Variants in SIT1 observed in about 807,000 individuals in gnomAD.
SIT1 encodes signaling threshold-regulating transmembrane adapter 1.
SIT1 carries 19 observed loss-of-function variants against 23.5 expected under a neutral mutation model. The ratio of observed to expected loss-of-function variants is 0.81; its 90% CI spans 0.56 to 1.19. The LOEUF (loss-of-function observed/expected upper bound fraction) is 1.19. SIT1 is among the 50% of genes most tolerant of loss of function. The probability of loss-of-function intolerance (pLI) is 0.00; values close to 1 mark genes in which losing one functional copy is unlikely to be tolerated. For missense variants in SIT1, 213 were observed against 254.9 expected (o/e 0.84, Z 1.12); for synonymous variants, 114 against 109.1 (o/e 1.04, Z -0.28).
Position 35,650,277 on chromosome 9 carries a change from C to T in SIT1, c.296-32G>A, listed in dbSNP as rs375418537. The T allele has an allele frequency of 5.6e-6, 9 of 1,611,890 alleles. No homozygotes were observed. In the East Asian group the frequency reaches 8.9e-5, roughly 16 times the overall value. ...CGGGGAACAGGAATCTGGTCAGCAA[C>T]TTGTCCTTCCTCCTGCACGCCCCCA... On this transcript the variant is annotated intron_variant, in intron 3 of 4. Transcript: ENST00000259608. This position sits in a 1 kb window ranked among gnomAD's most constrained non-coding sequence, Gnocchi z 4.8.
Position 35,650,476 on chromosome 9 carries a change from A to T in SIT1, c.236+26T>A, listed in dbSNP as rs376647043. On this transcript the variant is annotated intron_variant, in intron 2 of 4. Coordinates refer to ENST00000259608, the MANE Select transcript of SIT1 (RefSeq NM_014450.3). This position sits in a 1 kb window ranked among gnomAD's most constrained non-coding sequence, Gnocchi z 4.8. ...CTCGGTAAGAGAGAACTCTCAGTCA[A>T]CCCATCCCTGTTGTCCTTCACCCAC... 1 of 1,613,780 alleles carries T rather than the reference A, an allele frequency of 6.2e-7. No homozygotes were observed. Among genetic ancestry groups the T allele is most frequent in the South Asian group, 1.1e-5 (1 of 91,052 alleles).
At position 35,650,165 on chromosome 9, in the gene SIT1, C is replaced by G. The variant is rs189501277; in HGVS notation, c.357+19G>C. On this transcript the variant is annotated intron_variant, in intron 4 of 4. Transcript: ENST00000259608. The surrounding 1 kb of genome is among the most constrained non-coding windows in gnomAD (Gnocchi z 4.8). ...CCACTTCCTTCCCTCCCCCTTTTCT[C>G]CAGCCACAGTTGACTCACCCTGGCA... The G allele has an allele frequency of 1.2e-6, 2 of 1,613,996 alleles. No homozygotes were observed. Among genetic ancestry groups the G allele is most frequent in the African/African-American group, 2.7e-5 (2 of 75,012 alleles).
At position 35,649,960 on chromosome 9, in the gene SIT1, T is replaced by C. The variant is rs1267098727; in HGVS notation, c.479A>G (p.Gln160Arg). 6.3e-7 allele frequency: 1 copy of C among 1,583,270 alleles called. No individual in the cohort carries two copies. Among genetic ancestry groups the C allele is most frequent in the Non-Finnish European group, 8.6e-7 (1 of 1,164,346 alleles). ...EVVLDSEPKS[Q>R]ASGPEPELYA... ...GAGCTCCGGCTCGGGGCCCGAGGCC[T>C]GGGACTTTGGCTCAGAGTCCAGCAC... The change falls in exon 5 of 5, where the codon CAG (glutamine) becomes CGG (arginine). Residue 160 changes from glutamine (Q) to arginine (R), a missense_variant. Physicochemically the swap from Gln to Arg is conservative, Grantham distance 43. Transcript: ENST00000259608.
rs763786845 is a variant in SIT1, at chr9:35,650,842, A to G, written c.12T>C (p.Ala4=). Residue 4 remains alanine (A), a synonymous_variant, in exon 1 of 5, where the codon GCT becomes GCC. Coordinates refer to ENST00000259608, the MANE Select transcript of SIT1 (RefSeq NM_014450.3). This position sits in a 1 kb window ranked among gnomAD's most constrained non-coding sequence, Gnocchi z 4.8. MNQ[A]DPRLRAVCLW... ...AGCACACTGCTCTGAGCCGAGGGTC[A>G]GCCTGGTTCATGGCCTGACGGTTTC... The G allele has an allele frequency of 3.1e-6, 5 of 1,610,204 alleles. No individual in the cohort carries two copies. The highest frequency in any genetic ancestry group is 2.2e-5 in the East Asian group (1 of 44,664).
chr9:35,649,854 G>A lies in SIT1; in HGVS notation c.585C>T (p.Ala195=), dbSNP rs1212046441. 1.3e-6 allele frequency: 2 copies of A among 1,537,636 alleles called. No homozygotes were observed. The highest frequency in any genetic ancestry group is 1.4e-5 in the African/African-American group (1 of 73,786). Residue 195 remains alanine, a synonymous_variant, in exon 5 of 5, where the codon GCC becomes GCT. Transcript: ENST00000259608. ...DQAYANSQPA[A]S ...CTGTGCCAGGCCCTCCATCTCAGCTGGCTGCAGGCTGGCTGTTGGCATAGG... is the reference window on the plus strand; with the variant it reads ...CTGTGCCAGGCCCTCCATCTCAGCTAGCTGCAGGCTGGCTGTTGGCATAGG...
chr9:35,650,530 G>T lies in SIT1; in HGVS notation c.208C>A (p.Arg70=), dbSNP rs201041365. The T allele has an allele frequency of 1.9e-6, 3 of 1,613,918 alleles. No homozygotes were observed. The East Asian group carries it at 6.7e-5, about 36-fold the overall frequency. Residue 70 remains arginine (R), a synonymous_variant, in exon 2 of 5, where the codon CGG becomes AGG. Coordinates refer to ENST00000259608, the MANE Select transcript of SIT1 (RefSeq NM_014450.3). This position sits in a 1 kb window ranked among gnomAD's most constrained non-coding sequence, Gnocchi z 4.8. The part of the protein sequence containing the change: ...AAHLSQWTRG[R]SRSHPGQGRS... ...CCCTGCCCCGGATGGCTCCTGCTCC[G>T]GCCCCTGGTCCACTGGGACAAGTGT...
At position 35,650,069 on chromosome 9, in the gene SIT1, C is replaced by T; in HGVS notation, c.370G>A (p.Val124Met). The change falls in exon 5 of 5, where the codon GTG becomes ATG. Residue 124 changes from valine to methionine, a missense_variant. Physicochemically the swap from Val to Met is conservative, Grantham distance 21 (BLOSUM62 1). Transcript: ENST00000259608. The surrounding 1 kb of genome is among the most constrained non-coding windows in gnomAD (Gnocchi z 4.8). ...LGGPARAAEEVMCYTSLQLRP... is the reference protein window; with the variant it reads ...LGGPARAAEEMMCYTSLQLRP... Reference sequence around the variant, plus strand: ...AGCTGCAGGCTGGTATAGCACATCACCTCCTCTGCAGCCTGGAGATGCAAG... The same window carrying T: ...AGCTGCAGGCTGGTATAGCACATCATCTCCTCTGCAGCCTGGAGATGCAAG... 1 of 1,604,830 alleles carries T rather than the reference C, an allele frequency of 6.2e-7. No homozygotes were observed.
rs576406156 is a variant in SIT1 at position 35,649,954 on chromosome 9, G to A, written c.485C>T (p.Ser162Leu). 60 of 1,582,410 alleles carry A rather than the reference G, an allele frequency of 3.8e-5. No homozygotes were observed. The highest frequency in any genetic ancestry group is 1.7e-4 in the Middle Eastern group (1 of 6,010). The change falls in exon 5 of 5, where the codon TCG becomes TTG. Residue 162 changes from serine to leucine, a missense_variant. By Grantham distance (145) the Ser-to-Leu change is moderately radical. Transcript: ENST00000259608. ...GGCATAGAGCTCCGGCTCGGGGCCC[G>A]AGGCCTGGGACTTTGGCTCAGAGTC... ...VLDSEPKSQA[S>L]GPEPELYASV...
At position 35,650,135 on chromosome 9, in the gene SIT1, G is replaced by GCCCGAAAAT; in HGVS notation, c.357+48_357+49insATTTTCGGG. ...CTGGACCCTCGGAAAAGCCCGAAAA[G>GCCCGAAAAT]CCCCCCACTTCCTTCCCTCCCCCTT... On this transcript the variant is annotated intron_variant, in intron 4 of 4. Transcript: ENST00000259608. This position sits in a 1 kb window ranked among gnomAD's most constrained non-coding sequence, Gnocchi z 4.8. 6.2e-7 allele frequency: 1 copy of GCCCGAAAAT among 1,612,090 alleles called. No individual in the cohort carries two copies. The highest frequency in any genetic ancestry group is 1.1e-5 in the South Asian group (1 of 90,950).
In SIT1 at chr9:35,650,782, G is replaced by A. The variant is rs775500239; in HGVS notation, c.72C>T (p.Gly24=). The A allele has an allele frequency of 6.8e-6, 11 of 1,613,364 alleles. No homozygotes were observed. Among genetic ancestry groups the A allele is most frequent in the Admixed American group, 3.3e-5 (2 of 59,936 alleles). Residue 24 remains glycine (G), a synonymous_variant, in exon 1 of 5, where the codon GGC becomes GGT. Coordinates refer to ENST00000259608, the MANE Select transcript of SIT1 (RefSeq NM_014450.3). This position sits in a 1 kb window ranked among gnomAD's most constrained non-coding sequence, Gnocchi z 4.8. ...GTGCGAGTAGATCCGTGCAGTTGTC[G>A]CCTCTGCTCATGGCTGCAGATGTGA... is the stretch of plus-strand genomic sequence containing the variant. ...WTLTSAAMSR[G]DNCTDLLALG...
Position 35,650,082 on chromosome 9 carries a change from C to T in SIT1, c.358-1G>A. On this transcript the variant is annotated splice_acceptor_variant, in intron 4 of 4. Coordinates refer to ENST00000259608, the MANE Select transcript of SIT1 (RefSeq NM_014450.3). LOFTEE classifies it high-confidence loss of function. The surrounding 1 kb of genome is among the most constrained non-coding windows in gnomAD (Gnocchi z 4.8). Reference sequence around the variant, plus strand: ...TATAGCACATCACCTCCTCTGCAGCCTGGAGATGCAAGGCTGTTAGAAGTT... The same window carrying T: ...TATAGCACATCACCTCCTCTGCAGCTTGGAGATGCAAGGCTGTTAGAAGTT... 1 of 1,609,278 alleles carries T rather than the reference C, an allele frequency of 6.2e-7. No homozygotes were observed. The highest frequency in any genetic ancestry group is 8.5e-7 in the Non-Finnish European group (1 of 1,177,342).
rs757181878 is a variant in SIT1, at chr9:35,649,610, G to A, written c.*238C>T. 8.9e-5 allele frequency: 37 copies of A among 417,210 alleles called. No homozygotes were observed. Among genetic ancestry groups the A allele is most frequent in the Non-Finnish European group, 5.1e-5 (12 of 235,184 alleles). 25.8% of individuals were successfully genotyped at this position (417,210 alleles called of 1,614,324 possible). On this transcript the variant is annotated 3_prime_UTR_variant, in exon 5 of 5. Coordinates refer to ENST00000259608, the MANE Select transcript of SIT1 (RefSeq NM_014450.3). ...AAGGAAGTGAGAACCTGGGAGTTTGGGGGCTAAGAGGAACAGATAGAAAAA... is the reference window on the plus strand; with the variant it reads ...AAGGAAGTGAGAACCTGGGAGTTTGAGGGCTAAGAGGAACAGATAGAAAAA...
rs1055420406 is a variant in SIT1, at chr9:35,650,840, T to G, written c.14A>C (p.Asp5Ala). The G allele has an allele frequency of 2.2e-5, 36 of 1,609,812 alleles. No individual in the cohort carries two copies. In the Admixed American group the frequency reaches 6.1e-4, roughly 27 times the overall value. The change falls in exon 1 of 5, where the codon GAC becomes GCC. Residue 5 changes from aspartate (D) to alanine (A), a missense_variant. By Grantham distance (126) the Asp-to-Ala change is moderately radical (BLOSUM62 -2). Coordinates refer to ENST00000259608, the MANE Select transcript of SIT1 (RefSeq NM_014450.3). This position sits in a 1 kb window ranked among gnomAD's most constrained non-coding sequence, Gnocchi z 4.8. MNQADPRLRAVCLWT... is the reference protein window; with the variant it reads MNQAAPRLRAVCLWT... ...CAAGCACACTGCTCTGAGCCGAGGGTCAGCCTGGTTCATGGCCTGACGGTT... is the reference window on the plus strand; with the variant it reads ...CAAGCACACTGCTCTGAGCCGAGGGGCAGCCTGGTTCATGGCCTGACGGTT...
Position 35,650,048 on chromosome 9 carries a change from G to T in SIT1, c.391C>A (p.Gln131Lys), listed in dbSNP as rs1823447859. 1 of 1,595,724 alleles carries T rather than the reference G, an allele frequency of 6.3e-7. No individual in the cohort carries two copies. Among genetic ancestry groups the T allele is most frequent in the African/African-American group, 1.3e-5 (1 of 74,430 alleles). Residue 131 changes from glutamine (Q) to lysine (K), a missense_variant, in exon 5 of 5, where the codon CAG becomes AAG. By Grantham distance (53) the Gln-to-Lys change is moderately conservative. Transcript: ENST00000259608. This position sits in a 1 kb window ranked among gnomAD's most constrained non-coding sequence, Gnocchi z 4.8. ...AEEVMCYTSL[Q>K]LRPPQGRIPG... ...ATCCGACCCTGAGGAGGCCGCAGCT[G>T]CAGGCTGGTATAGCACATCACCTCC...
rs1484886019 is a variant in SIT1 at position 35,649,856 on chromosome 9, C to G, written c.583G>C (p.Ala195Pro). 6.5e-7 allele frequency: 1 copy of G among 1,539,916 alleles called. No individual in the cohort carries two copies. Among genetic ancestry groups the G allele is most frequent in the South Asian group, 1.2e-5 (1 of 82,906 alleles). Reference protein sequence around the residue: ...DQAYANSQPAAS With the variant: ...DQAYANSQPAPS ...GTGCCAGGCCCTCCATCTCAGCTGG[C>G]TGCAGGCTGGCTGTTGGCATAGGCC... The change falls in exon 5 of 5, where the codon GCC (alanine) becomes CCC (proline). Residue 195 changes from alanine (A) to proline (P), a missense_variant. Ala to Pro is a conservative substitution (Grantham distance 27). Coordinates refer to ENST00000259608, the MANE Select transcript of SIT1 (RefSeq NM_014450.3).
chr9:35,650,710 C>T lies in SIT1; in HGVS notation c.100+44G>A, dbSNP rs772187202. The T allele has an allele frequency of 6.2e-7, 1 of 1,609,640 alleles. No individual in the cohort carries two copies. The highest frequency in any genetic ancestry group is 8.5e-7 in the Non-Finnish European group (1 of 1,177,070). ...AGGGCCCAGCAGGTGGGACCTGGGG[C>T]CACATGACCCCTCCCCCACCAGCCC... On this transcript the variant is annotated intron_variant, in intron 1 of 4. Coordinates refer to ENST00000259608, the MANE Select transcript of SIT1 (RefSeq NM_014450.3). The surrounding 1 kb of genome is among the most constrained non-coding windows in gnomAD (Gnocchi z 4.8).
chr9:35,650,376 G>T lies in SIT1; in HGVS notation c.276C>A (p.Asn92Lys), dbSNP rs765290626. 9.3e-6 allele frequency: 15 copies of T among 1,613,980 alleles called. No individual in the cohort carries two copies. The stretch of plus-strand genomic sequence containing the variant: ...CCCTACCTGTCTGTAGATAATGCAG[G>T]TTCCCATACAGCGGGACCTCTTCCA... ...ESVEEVPLYG[N>K]LHYLQTGRLS... Residue 92 changes from asparagine (N) to lysine (K), a missense_variant, in exon 3 of 5, where the codon AAC becomes AAA. By Grantham distance (94) the Asn-to-Lys change is moderately conservative (BLOSUM62 0). Transcript: ENST00000259608. The surrounding 1 kb of genome is among the most constrained non-coding windows in gnomAD (Gnocchi z 4.8).
In SIT1 at chr9:35,650,154, C is replaced by A. The variant is rs565965478; in HGVS notation, c.357+30G>T. The A allele has an allele frequency of 6.2e-7, 1 of 1,613,400 alleles. No homozygotes were observed. Among genetic ancestry groups the A allele is most frequent in the Admixed American group, 1.7e-5 (1 of 60,014 alleles). ...CGAAAAGCCCCCCACTTCCTTCCCT[C>A]CCCCTTTTCTCCAGCCACAGTTGAC... On this transcript the variant is annotated intron_variant, in intron 4 of 4. Coordinates refer to ENST00000259608, the MANE Select transcript of SIT1 (RefSeq NM_014450.3). The surrounding 1 kb of genome is among the most constrained non-coding windows in gnomAD (Gnocchi z 4.8).
Position 35,650,330 on chromosome 9 carries a change from T to C in SIT1, c.295+27A>G. 1 of 1,613,750 alleles carries C rather than the reference T, an allele frequency of 6.2e-7. No homozygotes were observed. The highest frequency in any genetic ancestry group is 1.1e-5 in the South Asian group (1 of 91,056). On this transcript the variant is annotated intron_variant, in intron 3 of 4. Coordinates refer to ENST00000259608, the MANE Select transcript of SIT1 (RefSeq NM_014450.3). This position sits in a 1 kb window ranked among gnomAD's most constrained non-coding sequence, Gnocchi z 4.8. Reference sequence around the variant, plus strand: ...CCAGCCACCCAGGACCTGGCCTCTGTGCCCCTCCTCTCTGCCAGCTCCCTA... The same window carrying C: ...CCAGCCACCCAGGACCTGGCCTCTGCGCCCCTCCTCTCTGCCAGCTCCCTA...
Sources: allele counts gnomAD v4.1 joint callset, GRCh38; gene constraint gnomAD v4.1.1; non-coding constraint Gnocchi (gnomAD v3.1); transcripts MANE v1.5; gene names NCBI Gene and HGNC (gene_info 2026-07-23, HGNC 2026-07-21).